The following GCNT2 variants were observed in gnomAD, a reference collection of about 807,000 sequenced individuals.
The protein encoded by GCNT2 is glucosaminyl (N-acetyl) transferase 2 (I blood group).
In GCNT2, 34 loss-of-function variants were observed where a neutral mutation model predicts 34.2. The ratio of observed to expected loss-of-function variants is 1.00; its 90% CI spans 0.76 to 1.32. GCNT2 has a LOEUF of 1.32. GCNT2 is among the 40% of genes most tolerant of loss of function. The probability of loss-of-function intolerance (pLI) is 0.00; values close to 1 mark genes in which losing one functional copy is unlikely to be tolerated. For missense variants in GCNT2, 584 were observed against 489.4 expected (o/e 1.19, Z -1.82); for synonymous variants, 212 against 188.0 (o/e 1.13, Z -1.04).
chr6:10,526,337 T>C (rs1581355198), intron 1 of GCNT2, among the ~76,000 whole-genome samples: 1 of 152,200 alleles, frequency 6.6e-6, no homozygotes, highest in African/African-American at 2.4e-5. Context: ...GAATTTTCCC[T>C]GTGTCCTTTC....
At chr6:10,616,525 A>G (rs907479363) in intron 3 of GCNT2, among the ~76,000 whole-genome samples, 6 of 151,742 alleles carry the variant, frequency 4.0e-5, no homozygotes, top group African/African-American at 1.5e-4. Flanking sequence ...AAAGTTCTCC[A>G]CCTCCCCACT....
intron 3 of GCNT2, among the ~76,000 whole-genome samples, chr6:10,535,120 G>A (rs1761697863): frequency 1.3e-5 from 2 of 152,260 alleles, no homozygotes; most frequent in South Asian, 4.1e-4. Context: ...GGAGGCGGAG[G>A]TTGCAATGAG....
At position 10,534,457 on chromosome 6, in the gene GCNT2, A is replaced by T. The variant is rs1761667439; in HGVS notation, c.925+4621A>T. ...GGCCCATGCTGCTCTCTTGACAGCA[A>T]GTGCTCTCTGTGTCCCATTCAGATG... On this transcript the variant is annotated intron_variant, in intron 3 of 4. Coordinates refer to ENST00000495262, the MANE Select transcript of GCNT2 (RefSeq NM_145649.5). Among the ~76,000 whole-genome samples, 4 of 152,064 alleles carry T rather than the reference A, an allele frequency of 2.6e-5. No homozygotes were observed. In the South Asian group the frequency reaches 8.3e-4, roughly 31 times the overall value.
intron 3 of GCNT2, among the ~76,000 whole-genome samples, chr6:10,562,082 G>A (rs552475491): frequency 6.6e-6 from 1 of 152,226 alleles, no homozygotes; most frequent in African/African-American, 2.4e-5. Context: ...ATGCCCAAGG[G>A]AGCTCCCAAT....
At chr6:10,531,940 C>G (rs1761512420) in intron 3 of GCNT2, among the ~76,000 whole-genome samples, 1 of 142,816 alleles carries the variant, frequency 7.0e-6, no homozygotes, top group African/African-American at 2.6e-5. Context: ...TTGGAAAAGA[C>G]TTGAAGAGGG....
intron 3 of GCNT2, among the ~76,000 whole-genome samples, chr6:10,592,235 TC>T (rs1199758744): frequency 2.0e-5 from 3 of 152,220 alleles, no homozygotes; most frequent in Non-Finnish European, 4.4e-5. Context: ...TTCCATAGGT[TC>T]GTATCCATTG....
intron 3 of GCNT2, among the ~76,000 whole-genome samples, chr6:10,531,054 AAAAG>A (rs948263207): frequency 1.6e-4 from 24 of 152,116 alleles, no homozygotes; most frequent in African/African-American, 5.8e-4. Flanking sequence ...AAAAAAAAAA[AAAAG>A]ATTTCTAGAC....
chr6:10,556,597 C>T (rs754227881), intron 3 of GCNT2: 16 of 1,614,048 alleles, frequency 9.9e-6, no homozygotes, highest in Admixed American at 6.7e-5. Flanking sequence ...AAACACGTTT[C>T]CTGTGGAAAA....
chr6:10,583,597 C>A (rs1160311591), intron 3 of GCNT2, among the ~76,000 whole-genome samples: 1 of 152,188 alleles, frequency 6.6e-6, no homozygotes, highest in Non-Finnish European at 1.5e-5. Flanking sequence ...TGCGACCAGA[C>A]CTGTGCTTTT....
At chr6:10,589,044 A>C (rs1307211811) in intron 3 of GCNT2, among the ~76,000 whole-genome samples, 1 of 76,726 alleles carries the variant, frequency 1.3e-5, no homozygotes, top group Non-Finnish European at 2.6e-5. Context: ...TGGTATGTGT[A>C]TGGTGTGTGT....
At chr6:10,540,255 A>T (rs1038692056) in intron 3 of GCNT2, among the ~76,000 whole-genome samples, 1 of 152,148 alleles carries the variant, frequency 6.6e-6, no homozygotes, top group Non-Finnish European at 1.5e-5. Context: ...AGGAAGTAGC[A>T]TTCTGTGACT....
chr6:10,589,209 G>T lies in GCNT2; in HGVS notation c.926-32142G>T, dbSNP rs1764518748. ...GCGTCATGTGTGTATGGTGTGTGTGGTGTGTGTGTTTGCAGTGTATGTATC... is the reference window on the plus strand; with the variant it reads ...GCGTCATGTGTGTATGGTGTGTGTGTTGTGTGTGTTTGCAGTGTATGTATC... On this transcript the variant is annotated intron_variant, in intron 3 of 4. Coordinates refer to ENST00000495262, the MANE Select transcript of GCNT2 (RefSeq NM_145649.5). Among the ~76,000 whole-genome samples the T allele has an allele frequency of 2.8e-5, 4 of 142,784 alleles. 1 individual carries two copies. The Admixed American group carries it at 2.8e-4, about 10-fold the overall frequency. 93.7% of individuals were successfully genotyped at this position (142,784 alleles called of 152,430 possible).
At chr6:10,610,309 T>C (rs1453102136) in intron 3 of GCNT2, among the ~76,000 whole-genome samples, 1 of 152,102 alleles carries the variant, frequency 6.6e-6, no homozygotes, top group East Asian at 1.9e-4. Flanking sequence ...TATGGCAGGG[T>C]TTAGTGGAGC....
At chr6:10,534,763 G>A (rs1175648824) in intron 3 of GCNT2, among the ~76,000 whole-genome samples, 1 of 152,182 alleles carries the variant, frequency 6.6e-6, no homozygotes, top group Non-Finnish European at 1.5e-5. Context: ...TGGAGAAGTT[G>A]AGGCAGGAGG....
intron 3 of GCNT2, among the ~76,000 whole-genome samples, chr6:10,615,961 C>G (rs950354721): frequency 6.6e-6 from 1 of 152,188 alleles, no homozygotes; most frequent in African/African-American, 2.4e-5. Context: ...GTATTTTGTG[C>G]TGACTCCTGT....
chr6:10,550,381 A>G (rs1452480667), intron 3 of GCNT2, among the ~76,000 whole-genome samples: 1 of 151,868 alleles, frequency 6.6e-6, no homozygotes, highest in Non-Finnish European at 1.5e-5. Flanking sequence ...GGGAAAGTAG[A>G]GATAGGGTCA....
intron 3 of GCNT2, among the ~76,000 whole-genome samples, chr6:10,552,577 G>A (rs150689788): frequency 7.6e-4 from 115 of 152,016 alleles, no homozygotes; most frequent in African/African-American, 2.6e-3. Context: ...GGTATTATAA[G>A]TAATTTAGAG....
intron 1 of GCNT2, chr6:10,521,652 A>AG (rs1429898995): frequency 2.8e-5 from 4 of 140,610 alleles, no homozygotes; most frequent in African/African-American, 1.0e-4. Context: ...CTGTTTTCAA[A>AG]GGTTTTTTTT....
At chr6:10,575,271 TGTC>T (rs1449511216) in intron 3 of GCNT2, 1 of 264,706 alleles carries the variant, frequency 3.8e-6, no homozygotes, top group Non-Finnish European at 7.5e-6. Context: ...TCCTCTTTCT[TGTC>T]AACCAAATTT....
Sources: allele counts gnomAD v4.1 joint callset (sites outside exome capture counted in the v4.1 genomes callset), GRCh38; gene constraint gnomAD v4.1.1; transcripts MANE v1.5; gene names NCBI Gene and HGNC (gene_info 2026-07-23, HGNC 2026-07-21).